Variants in TMEM120B observed in about 807,000 individuals in gnomAD.
TMEM120B encodes the protein transmembrane protein 120B.
Under a neutral mutation model 55.5 loss-of-function variants are expected in TMEM120B, and 31 were observed. The ratio of observed to expected loss-of-function variants is 0.56; its 90% confidence interval spans 0.42 to 0.75. TMEM120B has a LOEUF of 0.75. TMEM120B is among the 30% of genes least tolerant of loss of function. The pLI, the probability that TMEM120B is intolerant of heterozygous loss-of-function variation, is 0.00. For synonymous variants in TMEM120B, 203 were observed against 176.3 expected (o/e 1.15, Z -1.20); for missense variants, 399 against 425.5 (o/e 0.94, Z 0.55).
chr12:121,761,189 A>G (rs1873665405), intron 5 of TMEM120B, among the ~76,000 whole-genome samples: 1 of 151,932 alleles, frequency 6.6e-6, no homozygotes, highest in South Asian at 2.1e-4. Flanking sequence ...ATATTGGCCA[A>G]ACTGGTCTCG....
intron 5 of TMEM120B, among the ~76,000 whole-genome samples, chr12:121,753,987 C>T (rs1254351639): frequency 6.6e-6 from 1 of 152,238 alleles, no homozygotes; most frequent in Non-Finnish European, 1.5e-5. Context: ...TGCTGCCCTG[C>T]CTGGGCTGCT....
At chr12:121,722,848 C>CT (rs34271702) in intron 1 of TMEM120B, among the ~76,000 whole-genome samples, 52,820 of 132,862 alleles carry the variant, frequency 0.4, 12,530 homozygotes, top group Middle Eastern at 0.57. Flanking sequence ...TTTAAATTTA[C>CT]TTTTTTTTTT....
chr12:121,733,826 C>T (rs1308845246), intron 1 of TMEM120B, among the ~76,000 whole-genome samples: 1 of 152,184 alleles, frequency 6.6e-6, no homozygotes, highest in African/African-American at 2.4e-5. Context: ...GTGTGAGCCA[C>T]TGCACCTGGC....
intron 3 of TMEM120B, among the ~76,000 whole-genome samples, chr12:121,749,740 C>G (rs950840978): frequency 5.3e-5 from 8 of 151,772 alleles, no homozygotes; most frequent in Non-Finnish European, 1.0e-4. Flanking sequence ...ACCCCTAAAC[C>G]TACTAAAAAT....
chr12:121,775,899 C>A lies in TMEM120B; in HGVS notation c.*177C>A. ...CCCGCCTGTCCGCACAGTGTCCGCCCACCTATTTATGACATATTTAATGCT... is the reference window on the plus strand; with the variant it reads ...CCCGCCTGTCCGCACAGTGTCCGCCAACCTATTTATGACATATTTAATGCT... On this transcript the variant is annotated 3_prime_UTR_variant, in exon 12 of 12. Transcript: ENST00000449592. This position sits in a 1 kb window ranked among gnomAD's most constrained non-coding sequence, Gnocchi z 4.3. The A allele has an allele frequency of 1.5e-6, 1 of 679,278 alleles. No homozygotes were observed. Among genetic ancestry groups the A allele is most frequent in the Non-Finnish European group, 2.6e-6 (1 of 390,524 alleles). The allele number at this position is 679,278 out of a possible 1,614,324, so 42.1% of individuals were successfully genotyped here.
chr12:121,773,523 T>A lies in TMEM120B; in HGVS notation c.772+10T>A. On this transcript the variant is annotated intron_variant, in intron 9 of 11. Coordinates refer to ENST00000449592, the MANE Select transcript of TMEM120B (RefSeq NM_001080825.2). ...CTGGATCTCACAGTGGGTGAGTAGC[T>A]GGGCCTGGGTTGGAGCCGGGGCAGG... The A allele has an allele frequency of 6.3e-7, 1 of 1,575,590 alleles. No homozygotes were observed. The highest frequency in any genetic ancestry group is 8.6e-7 in the Non-Finnish European group (1 of 1,159,120).
At position 121,712,776 on chromosome 12, in the gene TMEM120B, G is replaced by C. The variant is rs900170194; in HGVS notation, c.-120G>C. On this transcript the variant is annotated 5_prime_UTR_variant, in exon 1 of 12. Transcript: ENST00000449592. ...CAGTTGCGCGCGTGGCTCTGGCTGC[G>C]CAGGAACAGCTGGTGCCTCCGAGGG... The C allele has an allele frequency of 6.5e-6, 4 of 615,200 alleles. No homozygotes were observed. In the African/African-American group the frequency reaches 7.9e-5, roughly 12 times the overall value. The allele number at this position is 615,200 out of a possible 1,614,324, so 38.1% of individuals were successfully genotyped here. A position where few individuals can be genotyped will look rare whatever the true frequency, so the allele number is the denominator to read the frequency against.
intron 6 of TMEM120B, among the ~76,000 whole-genome samples, chr12:121,766,461 C>T (rs1427951496): frequency 6.6e-6 from 1 of 152,168 alleles, no homozygotes; most frequent in Non-Finnish European, 1.5e-5. Context: ...TTCTGTTTTC[C>T]CCTGCGATGG....
Position 121,715,864 on chromosome 12 carries a change from G to A in TMEM120B, c.69+2900G>A, listed in dbSNP as rs183359769. On this transcript the variant is annotated intron_variant, in intron 1 of 11. Transcript: ENST00000449592. ...AATTTAGTTCTCTAAATATTGGTAG[G>A]CCCCTCTCTGCCTTCTCACGTTCCC... is the stretch of plus-strand genomic sequence containing the variant. 9.9e-5 allele frequency among the ~76,000 whole-genome samples: 15 copies of A among 151,864 alleles called. No individual in the cohort carries two copies. The East Asian group carries it at 2.7e-3, about 27-fold the overall frequency.
At chr12:121,714,355 C>T (rs113338358) in intron 1 of TMEM120B, among the ~76,000 whole-genome samples, 5 of 152,024 alleles carry the variant, frequency 3.3e-5, no homozygotes, top group African/African-American at 9.7e-5. Flanking sequence ...CTCCCGGGTT[C>T]GAGCCATTCT....
At chr12:121,739,333 A>G (rs930025984) in intron 1 of TMEM120B, among the ~76,000 whole-genome samples, 2 of 152,180 alleles carry the variant, frequency 1.3e-5, no homozygotes, top group African/African-American at 4.8e-5. Flanking sequence ...AAATTGCCAT[A>G]AAAGAGACAG....
chr12:121,762,708 G>C (rs1219014085), intron 6 of TMEM120B, among the ~76,000 whole-genome samples: 1 of 152,158 alleles, frequency 6.6e-6, no homozygotes, highest in Non-Finnish European at 1.5e-5. Flanking sequence ...TGGGTGGGTG[G>C]TCTTCTACGG....
intron 6 of TMEM120B, among the ~76,000 whole-genome samples, chr12:121,761,985 A>G (rs1276913578): frequency 2.6e-5 from 4 of 152,114 alleles, no homozygotes; most frequent in Non-Finnish European, 5.9e-5. Flanking sequence ...AATAAGAAAC[A>G]TATTTTCTCA....
intron 1 of TMEM120B, among the ~76,000 whole-genome samples, chr12:121,736,584 C>G (rs1042963403): frequency 1.3e-5 from 2 of 152,004 alleles, no homozygotes; most frequent in Non-Finnish European, 2.9e-5. Context: ...GAGTCTCCCT[C>G]TGTTGACCAG....
rs902631938 is a variant in TMEM120B at position 121,778,651 on chromosome 12, G to A, written c.*2929G>A. 1 of 152,072 alleles carries A rather than the reference G, an allele frequency of 6.6e-6. No individual in the cohort carries two copies. The highest frequency in any genetic ancestry group is 1.5e-5 in the Non-Finnish European group (1 of 68,078). The allele number at this position is 152,072 out of a possible 1,614,324, so 9.4% of individuals were successfully genotyped here. A position where few individuals can be genotyped will look rare whatever the true frequency, so the allele number is the denominator to read the frequency against. ...CTCGCCTCCTGAACTCCACAGGCTG[G>A]TAGAAGCGGGGCTTGAGGGACAGCA... On this transcript the variant is annotated 3_prime_UTR_variant, in exon 12 of 12. Coordinates refer to ENST00000449592, the MANE Select transcript of TMEM120B (RefSeq NM_001080825.2).
At chr12:121,714,593 T>C (rs1894662758) in intron 1 of TMEM120B, among the ~76,000 whole-genome samples, 1 of 141,170 alleles carries the variant, frequency 7.1e-6, no homozygotes, top group African/African-American at 2.7e-5. Flanking sequence ...GATAGAGTCT[T>C]GCTCTGTCAC....
At position 121,773,467 on chromosome 12, in the gene TMEM120B, C is replaced by A. The variant is rs749736661; in HGVS notation, c.726C>A (p.Tyr242Ter). ...LQYYYQRGCL[Y>*]RLRALGERNH... Reference sequence around the variant, plus strand: ...ATTATTACCAGAGGGGCTGCCTCTACCGGCTGCGGGCCCTGGGGGAGAGGA... The same window carrying A: ...ATTATTACCAGAGGGGCTGCCTCTAACGGCTGCGGGCCCTGGGGGAGAGGA... The change falls in exon 9 of 12, where the codon TAC (tyrosine) becomes TAA (stop). Residue 242 changes from tyrosine (Y) to a stop codon, truncating the protein, a stop_gained. Transcript: ENST00000449592. LOFTEE classifies it high-confidence loss of function. The A allele has an allele frequency of 6.2e-7, 1 of 1,609,176 alleles. No individual in the cohort carries two copies. Among genetic ancestry groups the A allele is most frequent in the Admixed American group, 1.7e-5 (1 of 59,468 alleles).
intron 4 of TMEM120B, among the ~76,000 whole-genome samples, chr12:121,751,881 C>T (rs2137213589): frequency 6.6e-6 from 1 of 152,322 alleles, no homozygotes; most frequent in African/African-American, 2.4e-5. Context: ...CCCTGCCTGT[C>T]CCCAGCATGG....
intron 1 of TMEM120B, among the ~76,000 whole-genome samples, chr12:121,736,582 C>T (rs1895120647): frequency 1.3e-5 from 2 of 151,554 alleles, no homozygotes; most frequent in African/African-American, 4.9e-5. Flanking sequence ...CAGAGTCTCC[C>T]TCTGTTGACC....
Sources: allele counts gnomAD v4.1 joint callset (sites outside exome capture counted in the v4.1 genomes callset), GRCh38; gene constraint gnomAD v4.1.1; non-coding constraint Gnocchi (gnomAD v3.1); transcripts MANE v1.5; gene names NCBI Gene and HGNC (gene_info 2026-07-23, HGNC 2026-07-21).